Variants in BRCA1 observed in about 807,000 individuals in gnomAD.
BRCA1 encodes the protein BRCA1 DNA repair associated.
A neutral mutation model predicts 173.7 loss-of-function variants in BRCA1; 140 were observed. That is an observed-to-expected ratio of 0.81 (90% confidence interval 0.70 to 0.93). BRCA1 has a LOEUF of 0.93. Among genes scored for constraint, BRCA1 ranks in the 40% least tolerant of loss-of-function variants. The pLI is 0.00. For synonymous variants in BRCA1, 662 were observed against 756.0 expected (o/e 0.88, Z 2.04); for missense variants, 1,983 against 2,172.5 (o/e 0.91, Z 1.73).
At chr17:43,065,692 G>A (rs990740242) in intron 16 of BRCA1, among the ~76,000 whole-genome samples, 1 of 152,022 alleles carries the variant, frequency 6.6e-6, no homozygotes, top group African/African-American at 2.4e-5. Context: ...AAAAACAAAA[G>A]AATCATCATC....
intron 16 of BRCA1, among the ~76,000 whole-genome samples, chr17:43,065,212 A>G (rs961220515): frequency 2.6e-5 from 4 of 152,176 alleles, no homozygotes; most frequent in African/African-American, 9.7e-5. Flanking sequence ...CTAAAATAGT[A>G]GTTTGTAATA....
chr17:43,150,231 T>A (rs2056152199), intron 1 of BRCA1, among the ~76,000 whole-genome samples: 1 of 152,110 alleles, frequency 6.6e-6, no homozygotes, highest in South Asian at 2.1e-4. Flanking sequence ...CACCTTAGCT[T>A]CCTGAGTAGC....
chr17:43,136,917 G>A (rs529327231), intron 1 of BRCA1, among the ~76,000 whole-genome samples: 1 of 152,190 alleles, frequency 6.6e-6, no homozygotes, highest in East Asian at 1.9e-4. Flanking sequence ...TTGACCCAGC[G>A]ATCCCATTAC....
intron 3 of BRCA1, among the ~76,000 whole-genome samples, chr17:43,109,353 T>C (rs2054938162): frequency 6.6e-6 from 1 of 152,106 alleles, no homozygotes; most frequent in Non-Finnish European, 1.5e-5. Flanking sequence ...AATTAAGCAA[T>C]GAAGGTTATA....
chr17:43,148,108 T>G (rs940979366), intron 1 of BRCA1, among the ~76,000 whole-genome samples: 9 of 152,002 alleles, frequency 5.9e-5, no homozygotes, highest in African/African-American at 1.9e-4. Flanking sequence ...AGTTCTAAGC[T>G]CTCTTCTAAT....
In BRCA1 at chr17:43,074,311, T is replaced by C. The variant is rs780870669; in HGVS notation, c.4675+20A>G. The C allele has an allele frequency of 3.1e-6, 5 of 1,613,238 alleles. No homozygotes were observed. Among genetic ancestry groups the C allele is most frequent in the Non-Finnish European group, 4.2e-6 (5 of 1,179,322 alleles). ...AGTAAAATCAAAGTGTTTGTTCCAA[T>C]ACAGCAGATGAAATATTACCTAGAT... On this transcript the variant is annotated intron_variant, in intron 14 of 22. Coordinates refer to ENST00000357654, the MANE Select transcript of BRCA1 (RefSeq NM_007294.4).
Position 43,092,306 on chromosome 17 carries a change from G to A in BRCA1, c.3225C>T (p.Asn1075=), listed in dbSNP as rs778607600. 1 of 1,613,722 alleles carries A rather than the reference G, an allele frequency of 6.2e-7. No homozygotes were observed. Among genetic ancestry groups the A allele is most frequent in the South Asian group, 1.1e-5 (1 of 91,080 alleles). The change falls in exon 10 of 23, where the codon AAC becomes AAT. Residue 1075 remains asparagine, a synonymous_variant. Coordinates refer to ENST00000357654, the MANE Select transcript of BRCA1 (RefSeq NM_007294.4). The stretch of plus-strand genomic sequence containing the variant: ...GCATAGCATTCAATTTTGGCCCTCT[G>A]TTTCTACCTAGTTCTGCTTGAATGT... ...DENIQAELGR[N]RGPKLNAMLR...
rs552648003 is a variant in BRCA1 at position 43,045,162 on chromosome 17, T to A, written c.*516A>T. The A allele has an allele frequency of 2.8e-5, 15 of 535,282 alleles. No homozygotes were observed. The highest frequency in any genetic ancestry group is 2.8e-4 in the African/African-American group (15 of 54,018). 33.2% of individuals were successfully genotyped at this position (535,282 alleles called of 1,614,324 possible). A position where few individuals can be genotyped will look rare whatever the true frequency, so the allele number is the denominator to read the frequency against. ...CAGAATTTCCTCCCCAATGTTCCAC[T>A]CCAACATTTGAGAACTGCCCAAGGA... On this transcript the variant is annotated 3_prime_UTR_variant, in exon 23 of 23. Coordinates refer to ENST00000357654, the MANE Select transcript of BRCA1 (RefSeq NM_007294.4).
Position 43,091,909 on chromosome 17 carries a change from T to C in BRCA1, c.3622A>G (p.Lys1208Glu), listed in dbSNP as rs80357152. 2 of 1,614,186 alleles carry C rather than the reference T, an allele frequency of 1.2e-6. No homozygotes were observed. Among genetic ancestry groups the C allele is most frequent in the Non-Finnish European group, 1.7e-6 (2 of 1,180,018 alleles). Reference sequence around the variant, plus strand: ...AAGTTCTCTTCTGAGGACTCTAATTTCTTGGCCCCTCTTCGGTAACCCTGA... The same window carrying C: ...AAGTTCTCTTCTGAGGACTCTAATTCCTTGGCCCCTCTTCGGTAACCCTGA... ...LAQGYRRGAK[K>E]LESSEENLSS... Residue 1208 changes from lysine to glutamate, a missense_variant, in exon 10 of 23, where the codon AAA (lysine) becomes GAA (glutamate). Physicochemically the swap from Lys to Glu is moderately conservative, Grantham distance 56. Coordinates refer to ENST00000357654, the MANE Select transcript of BRCA1 (RefSeq NM_007294.4).
At chr17:43,122,132 G>A (rs910451959) in intron 2 of BRCA1, among the ~76,000 whole-genome samples, 5 of 152,018 alleles carry the variant, frequency 3.3e-5, no homozygotes, top group African/African-American at 9.7e-5. Context: ...ATCTTGTATC[G>A]CTCTGAAAAC....
intron 1 of BRCA1, among the ~76,000 whole-genome samples, chr17:43,153,925 G>A (rs552843981): frequency 1.3e-5 from 2 of 152,322 alleles, no homozygotes; most frequent in East Asian, 1.9e-4. Flanking sequence ...GGTGCCTCAT[G>A]CTTGTAATCC....
chr17:43,148,731 G>A (rs888293958), intron 1 of BRCA1: 1 of 162,764 alleles, frequency 6.1e-6, no homozygotes, highest in African/African-American at 2.4e-5. Context: ...TCAGGGGCCT[G>A]ACATTGAGGA....
At chr17:43,091,084 C>T (rs2053452017) in intron 10 of BRCA1, 52 bp from the exon 11 acceptor site, 2 of 1,487,664 alleles carry the variant, frequency 1.3e-6, no homozygotes, top group East Asian at 2.3e-5. Context: ...ATAAACGCTG[C>T]AACTTGCTGT....
At chr17:43,147,411 G>A (rs1285976966) in intron 1 of BRCA1, among the ~76,000 whole-genome samples, 3 of 152,098 alleles carry the variant, frequency 2.0e-5, no homozygotes, top group African/African-American at 7.2e-5. Context: ...GGATGGTCTC[G>A]ATCTCCTGAC....
intron 1 of BRCA1, among the ~76,000 whole-genome samples, chr17:43,137,571 A>G (rs1012012912): frequency 6.6e-6 from 1 of 152,170 alleles, no homozygotes; most frequent in Non-Finnish European, 1.5e-5. Context: ...CGAGATCCAC[A>G]GGTGTATTTT....
Position 43,079,314 on chromosome 17 carries a change from A to G in BRCA1, c.4358-2700T>C, listed in dbSNP as rs2154105191. On this transcript the variant is annotated intron_variant, in intron 12 of 22. Coordinates refer to ENST00000357654, the MANE Select transcript of BRCA1 (RefSeq NM_007294.4). ...GTAATTTGCCAAAATGACGAACACAAAGGGAAAGAGGAGAGGCACCTGATA... is the reference window on the plus strand; with the variant it reads ...GTAATTTGCCAAAATGACGAACACAGAGGGAAAGAGGAGAGGCACCTGATA... 5.7e-6 allele frequency: 9 copies of G among 1,577,646 alleles called. No homozygotes were observed. Among genetic ancestry groups the G allele is most frequent in the South Asian group, 1.1e-5 (1 of 90,568 alleles).
Position 43,092,482 on chromosome 17 carries a change from C to T in BRCA1, c.3049G>A (p.Glu1017Lys), listed in dbSNP as rs80357004. 6.2e-7 allele frequency: 1 copy of T among 1,613,968 alleles called. No homozygotes were observed. Among genetic ancestry groups the T allele is most frequent in the South Asian group, 1.1e-5 (1 of 91,074 alleles). ...SMSPEREMGN[E>K]NIPSTVSTIS... The stretch of plus-strand genomic sequence containing the variant: ...GTGCTCACTGTACTTGGAATGTTCT[C>T]ATTTCCCATTTCTCTTTCAGGTGAC... Residue 1017 changes from glutamate (E) to lysine (K), a missense_variant, in exon 10 of 23, where the codon GAG becomes AAG. Glu to Lys is a moderately conservative substitution (Grantham distance 56, BLOSUM62 1). Coordinates refer to ENST00000357654, the MANE Select transcript of BRCA1 (RefSeq NM_007294.4).
chr17:43,055,055 T>C (rs987660248), intron 19 of BRCA1, among the ~76,000 whole-genome samples: 1 of 151,964 alleles, frequency 6.6e-6, no homozygotes, highest in African/African-American at 2.4e-5. Context: ...CAGCCTGGGA[T>C]GTTCTGAAAT....
chr17:43,126,099 T>C (rs799906), upstream of BRCA1, among the ~76,000 whole-genome samples: 68,779 of 152,150 alleles, frequency 0.45, 17,320 homozygotes, highest in African/African-American at 0.69. Flanking sequence ...GCAAGTAGTC[T>C]TGTAAGGTCA....
Sources: allele counts gnomAD v4.1 joint callset (sites outside exome capture counted in the v4.1 genomes callset), GRCh38; gene constraint gnomAD v4.1.1; transcripts MANE v1.5; gene names NCBI Gene and HGNC (gene_info 2026-07-23, HGNC 2026-07-21).